Variants in ST6GALNAC3 observed in about 807,000 individuals in gnomAD.
ST6GALNAC3 encodes the protein alpha-N-acetylgalactosaminide alpha-2,6-sialyltransferase 3.
Under a neutral mutation model 32.7 loss-of-function variants are expected in ST6GALNAC3, and 25 were observed. The ratio of observed to expected loss-of-function variants is 0.76; its 90% CI spans 0.56 to 1.07. The LOEUF (loss-of-function observed/expected upper bound fraction) is 1.07. Among genes scored for constraint, ST6GALNAC3 ranks in the 50% least tolerant of loss-of-function variants. The probability of loss-of-function intolerance (pLI) is 0.00; values close to 1 mark genes in which losing one functional copy is unlikely to be tolerated. For missense variants in ST6GALNAC3, 355 were observed against 382.4 expected (o/e 0.93, Z 0.60); for synonymous variants, 129 against 133.1 (o/e 0.97, Z 0.21).
chr1:76,619,107 G>A (rs1449697630), intron 3 of ST6GALNAC3, among the ~76,000 whole-genome samples: 1 of 152,132 alleles, frequency 6.6e-6, no homozygotes, highest in African/African-American at 2.4e-5. Flanking sequence ...TTTGGGTACA[G>A]ACAGGATAAG....
intron 1 of ST6GALNAC3, among the ~76,000 whole-genome samples, chr1:76,193,206 T>A (rs1654001899): frequency 6.6e-6 from 1 of 152,184 alleles, no homozygotes; most frequent in South Asian, 2.1e-4. Flanking sequence ...GGAGTCTAGA[T>A]CCCACTTTCT....
intron 1 of ST6GALNAC3, among the ~76,000 whole-genome samples, chr1:76,302,695 G>C (rs1214234424): frequency 1.3e-5 from 2 of 151,896 alleles, no homozygotes; most frequent in Non-Finnish European, 2.9e-5. Flanking sequence ...TATTAGATGG[G>C]TACTCTTATT....
chr1:76,324,190 A>G (rs1291976857), intron 2 of ST6GALNAC3, among the ~76,000 whole-genome samples: 1 of 152,192 alleles, frequency 6.6e-6, no homozygotes, highest in Non-Finnish European at 1.5e-5. Flanking sequence ...ATATCTGTGA[A>G]ACACTCTAGA....
At chr1:76,399,298 G>A (rs1653225254) in intron 2 of ST6GALNAC3, among the ~76,000 whole-genome samples, 3 of 152,036 alleles carry the variant, frequency 2.0e-5, no homozygotes, top group Admixed American at 2.0e-4. Context: ...TCATCTTAAA[G>A]CATTACTCTA....
chr1:76,615,419 C>T (rs576298913), intron 3 of ST6GALNAC3, among the ~76,000 whole-genome samples: 47 of 152,192 alleles, frequency 3.1e-4, no homozygotes, highest in South Asian at 2.5e-3. Flanking sequence ...TGTTCATCCA[C>T]GCCTGCTCTG....
intron 2 of ST6GALNAC3, among the ~76,000 whole-genome samples, chr1:76,397,384 T>TTTC (rs1553190688): frequency 6.6e-6 from 1 of 150,934 alleles, no homozygotes; most frequent in African/African-American, 2.4e-5. Context: ...TTTTTTTTTT[T>TTTC]TTCTGAGATG....
In ST6GALNAC3 at chr1:76,137,627, T is replaced by C. The variant is rs897718003; in HGVS notation, c.18+62743T>C. Among the ~76,000 whole-genome samples the C allele has an allele frequency of 6.6e-5, 10 of 152,254 alleles. No homozygotes were observed. In the East Asian group the frequency reaches 1.7e-3, roughly 26 times the overall value. The stretch of plus-strand genomic sequence containing the variant: ...ATAATCCTTGTCTTTATGTGTATTC[T>C]TCAGTCTATGAGTAAAACATGTTAC... On this transcript the variant is annotated intron_variant, in intron 1 of 4. Transcript: ENST00000328299.
intron 1 of ST6GALNAC3, among the ~76,000 whole-genome samples, chr1:76,208,048 C>CT (rs11389393): frequency 0.64 from 93,382 of 145,712 alleles, 30,700 homozygotes; most frequent in East Asian, 0.93. Context: ...AGTGCCCCCC[C>CT]CCCCAAAAAA....
rs146038273 is a variant in ST6GALNAC3, at chr1:76,623,073, G to A, written c.624-4379G>A. ...ATAGCTGAACAGACGAGGAATCCCTGTATCCATGTGATGGCCTTTCGACAT... is the reference window on the plus strand; with the variant it reads ...ATAGCTGAACAGACGAGGAATCCCTATATCCATGTGATGGCCTTTCGACAT... On this transcript the variant is annotated intron_variant, in intron 3 of 4. Coordinates refer to ENST00000328299, the MANE Select transcript of ST6GALNAC3 (RefSeq NM_152996.4). 1.2e-3 allele frequency among the ~76,000 whole-genome samples: 188 copies of A among 151,974 alleles called. 3 individuals carry two copies. The Middle Eastern group carries it at 0.041, about 33-fold the overall frequency.
At chr1:76,088,812 T>C (rs974385823) in intron 1 of ST6GALNAC3, among the ~76,000 whole-genome samples, 4 of 152,180 alleles carry the variant, frequency 2.6e-5, no homozygotes, top group African/African-American at 9.7e-5. Flanking sequence ...AAAAGAATGA[T>C]TAAATGAATT....
chr1:76,290,448 C>T (rs1660020716), intron 1 of ST6GALNAC3, among the ~76,000 whole-genome samples: 1 of 152,116 alleles, frequency 6.6e-6, no homozygotes, highest in African/African-American at 2.4e-5. Flanking sequence ...TTTATTTAGC[C>T]ATCTTACTTT....
intron 3 of ST6GALNAC3, among the ~76,000 whole-genome samples, chr1:76,482,773 T>C (rs916340581): frequency 2.0e-5 from 3 of 152,106 alleles, no homozygotes; most frequent in Non-Finnish European, 2.9e-5. Flanking sequence ...ATGTGCACAA[T>C]GTGCAGGTTT....
downstream of ST6GALNAC3, among the ~76,000 whole-genome samples, chr1:76,635,996 G>GA (rs1649495948): frequency 6.6e-6 from 1 of 152,146 alleles, no homozygotes; most frequent in Non-Finnish European, 1.5e-5. Flanking sequence ...CATAATAGCT[G>GA]AAAAAGAAAA....
chr1:76,487,224 G>T (rs1364358485), intron 3 of ST6GALNAC3, among the ~76,000 whole-genome samples: 2 of 152,108 alleles, frequency 1.3e-5, no homozygotes, highest in Non-Finnish European at 2.9e-5. Flanking sequence ...TCTTCTAAAG[G>T]AGTATCTTTG....
intron 1 of ST6GALNAC3, among the ~76,000 whole-genome samples, chr1:76,239,819 A>T: frequency 6.6e-6 from 1 of 152,244 alleles, no homozygotes; most frequent in East Asian, 1.9e-4. Context: ...CAACTTTGTT[A>T]TGAAATTGGA....
intron 1 of ST6GALNAC3, among the ~76,000 whole-genome samples, chr1:76,308,276 G>A (rs1230341671): frequency 2.6e-5 from 4 of 152,092 alleles, no homozygotes; most frequent in East Asian, 3.9e-4. Flanking sequence ...TAGTTATGTC[G>A]TAATAGCTTT....
At chr1:76,363,863 C>A (rs535557881) in intron 2 of ST6GALNAC3, among the ~76,000 whole-genome samples, 1 of 152,114 alleles carries the variant, frequency 6.6e-6, no homozygotes, top group South Asian at 2.1e-4. Flanking sequence ...ACAACCAGAT[C>A]TCCTTAGAAC....
intron 1 of ST6GALNAC3, among the ~76,000 whole-genome samples, chr1:76,185,031 T>A (rs190129880): frequency 4.9e-4 from 75 of 152,252 alleles, no homozygotes; most frequent in Non-Finnish European, 3.4e-4. Flanking sequence ...ACATTTTTTT[T>A]AATCCTCGCA....
chr1:76,510,059 TC>T (rs1300560606), intron 3 of ST6GALNAC3, among the ~76,000 whole-genome samples: 1 of 152,202 alleles, frequency 6.6e-6, no homozygotes, highest in Non-Finnish European at 1.5e-5. Context: ...GTGTTTGTTT[TC>T]TGAGGGCTGA....
Sources: gnomAD v4.1 joint callset for allele counts (sites outside exome capture counted in the v4.1 genomes callset) on GRCh38, gnomAD v4.1.1 for gene constraint, MANE v1.5 for transcripts, NCBI Gene and HGNC (gene_info 2026-07-23, HGNC 2026-07-21) for gene names.